The following NRXN3 variants were observed in gnomAD, a reference collection of about 807,000 sequenced individuals.
NRXN3 encodes neurexin 3.
In NRXN3, 32 loss-of-function variants were observed where a neutral mutation model predicts 137.6. That is an observed-to-expected ratio of 0.23 (90% CI 0.18 to 0.31). The LOEUF (loss-of-function observed/expected upper bound fraction) is 0.31. Among genes scored for constraint, NRXN3 ranks in the 10% least tolerant of loss-of-function variants. NRXN3 has a pLI of 1.00. For missense variants in NRXN3, 1,574 were observed against 2,062.5 expected (o/e 0.76, Z 4.59); for synonymous variants, 798 against 784.5 (o/e 1.02, Z -0.29).
At chr14:78,835,042 G>A (rs925636908) in intron 10 of NRXN3, among the ~76,000 whole-genome samples, 30 of 151,744 alleles carry the variant, frequency 2.0e-4, no homozygotes, top group Admixed American at 6.6e-5. Flanking sequence ...TCTGTATTGT[G>A]TATCACTCCT....
At chr14:78,419,986 C>CACACACACACAGA (rs10676901) in intron 4 of NRXN3, among the ~76,000 whole-genome samples, 2 of 150,118 alleles carry the variant, frequency 1.3e-5, no homozygotes, top group African/African-American at 4.9e-5. Context: ...CACACACACA[C>CACACACACACAGA]GTAAAGTCCT....
intron 4 of NRXN3, among the ~76,000 whole-genome samples, chr14:78,408,071 C>A (rs1296392052): frequency 6.6e-6 from 1 of 152,152 alleles, no homozygotes; most frequent in East Asian, 1.9e-4. Context: ...CTTTTGTAGT[C>A]AACTCACCAC....
chr14:79,682,774 A>C (rs1351887577), intron 17 of NRXN3, among the ~76,000 whole-genome samples: 1 of 152,098 alleles, frequency 6.6e-6, no homozygotes, highest in Non-Finnish European at 1.5e-5. Flanking sequence ...CCTTCTCTCA[A>C]ATTATAAGCT....
At chr14:79,073,394 G>T (rs1162964469) in intron 15 of NRXN3, among the ~76,000 whole-genome samples, 8 of 151,984 alleles carry the variant, frequency 5.3e-5, no homozygotes, top group Non-Finnish European at 1.2e-4. Flanking sequence ...CTCCAGATTA[G>T]TATCTTAAAG....
chr14:78,880,239 CAAAAAAAAAAAAAAA>C (rs59348965), intron 10 of NRXN3, among the ~76,000 whole-genome samples: 1 of 45,274 alleles, frequency 2.2e-5, no homozygotes, highest in African/African-American at 7.8e-5. Flanking sequence ...GACTCCGTCT[CAAAAAAAAAAAAAAA>C]AAAAAAAAAG....
At chr14:78,288,610 AT>A (rs1168152008) in intron 3 of NRXN3, among the ~76,000 whole-genome samples, 1 of 152,192 alleles carries the variant, frequency 6.6e-6, no homozygotes, top group Non-Finnish European at 1.5e-5. Context: ...TCATTCATCA[AT>A]GAAGAACTAT....
At chr14:79,503,892 A>T (rs931371237) in intron 16 of NRXN3, among the ~76,000 whole-genome samples, 7 of 152,182 alleles carry the variant, frequency 4.6e-5, no homozygotes, top group Admixed American at 4.6e-4. Flanking sequence ...AAATGCTTTT[A>T]AAAGATAATG....
chr14:78,258,839 A>G (rs73310336), intron 2 of NRXN3, among the ~76,000 whole-genome samples: 82 of 152,306 alleles, frequency 5.4e-4, no homozygotes, highest in African/African-American at 1.9e-3. Flanking sequence ...CTGTTCATTT[A>G]AGAACATTCC....
At chr14:78,995,432 G>A (rs188803407) in intron 15 of NRXN3, among the ~76,000 whole-genome samples, 1 of 152,224 alleles carries the variant, frequency 6.6e-6, no homozygotes, top group Admixed American at 6.5e-5. Context: ...TGTGTAATGG[G>A]GTGGCCTGTG....
intron 10 of NRXN3, among the ~76,000 whole-genome samples, chr14:78,861,761 A>G (rs2099073011): frequency 6.6e-6 from 1 of 152,252 alleles, no homozygotes; most frequent in African/African-American, 2.4e-5. Context: ...TGTTTTAAAC[A>G]TGCACTCACA....
chr14:78,821,606 C>T (rs1465238819), intron 10 of NRXN3, among the ~76,000 whole-genome samples: 1 of 151,816 alleles, frequency 6.6e-6, no homozygotes, highest in Non-Finnish European at 1.5e-5. Flanking sequence ...CACAATGGAG[C>T]AACACACATG....
rs141064293 is a variant in NRXN3 at position 78,683,390 on chromosome 14, G to A, written c.1222-25827G>A. ...AGTCATTCATCCGAATTAGCTTGTGGTCAGTTTGAGGCAGTTTGTCTAACG... is the reference window on the plus strand; with the variant it reads ...AGTCATTCATCCGAATTAGCTTGTGATCAGTTTGAGGCAGTTTGTCTAACG... On this transcript the variant is annotated intron_variant, in intron 6 of 20. Coordinates refer to ENST00000335750, the MANE Select transcript of NRXN3 (RefSeq NM_001330195.2). Among the ~76,000 whole-genome samples the A allele has an allele frequency of 7.1e-3, 1,079 of 152,272 alleles. 10 individuals carry two copies. Among genetic ancestry groups the A allele is most frequent in the Non-Finnish European group, 9.8e-3 (667 of 68,022 alleles).
At chr14:78,879,456 G>T (rs1160196557) in intron 10 of NRXN3, among the ~76,000 whole-genome samples, 3 of 152,066 alleles carry the variant, frequency 2.0e-5, no homozygotes, top group Non-Finnish European at 4.4e-5. Context: ...GTTTTAATTT[G>T]CATTTCCCTG....
At chr14:78,996,610 AT>A (rs769402696) in intron 15 of NRXN3, among the ~76,000 whole-genome samples, 1 of 152,164 alleles carries the variant, frequency 6.6e-6, no homozygotes, top group Non-Finnish European at 1.5e-5. Context: ...AAATGAGGGC[AT>A]TTAAAGTAGG....
intron 15 of NRXN3, among the ~76,000 whole-genome samples, chr14:79,379,547 C>T (rs1405157258): frequency 6.6e-6 from 1 of 152,128 alleles, no homozygotes; most frequent in Non-Finnish European, 1.5e-5. Context: ...ATCTAAAAGG[C>T]CTCTCCCATG....
intron 15 of NRXN3, among the ~76,000 whole-genome samples, chr14:79,394,283 A>G (rs548514559): frequency 6.3e-4 from 96 of 152,356 alleles, no homozygotes; most frequent in Admixed American, 3.0e-3. Flanking sequence ...TAATAACAGC[A>G]GTAGCTAATA....
chr14:79,688,953 T>C (rs1486087932), intron 17 of NRXN3, among the ~76,000 whole-genome samples: 1 of 152,128 alleles, frequency 6.6e-6, no homozygotes, highest in Non-Finnish European at 1.5e-5. Context: ...CCCAGTCCCA[T>C]ATAGGTGTCG....
chr14:79,753,998 T>G (rs977356996), intron 19 of NRXN3, among the ~76,000 whole-genome samples: 4 of 151,900 alleles, frequency 2.6e-5, no homozygotes, highest in Non-Finnish European at 4.4e-5. Context: ...TTAGAGATGA[T>G]TTAAAGTACA....
intron 4 of NRXN3, among the ~76,000 whole-genome samples, chr14:78,298,563 G>A (rs1329129897): frequency 6.6e-6 from 1 of 152,140 alleles, no homozygotes; most frequent in Non-Finnish European, 1.5e-5. Context: ...GCACAGGGTG[G>A]GATGTGAATG....
Sources: allele counts gnomAD v4.1 joint callset (sites outside exome capture counted in the v4.1 genomes callset), GRCh38; gene constraint gnomAD v4.1.1; transcripts MANE v1.5; gene names NCBI Gene and HGNC (gene_info 2026-07-23, HGNC 2026-07-21).